MOBP: variants seen among roughly 807,000 people sequenced by gnomAD.
MOBP encodes myelin-associated oligodendrocyte basic protein.
A neutral mutation model predicts 15.0 loss-of-function variants in MOBP; 5 were observed. The ratio of observed to expected loss-of-function variants is 0.33; its 90% confidence interval spans 0.17 to 0.70. The LOEUF is 0.70. Ranked by LOEUF, MOBP falls within the 30% of genes least tolerant of loss-of-function variation. MOBP has a pLI of 0.67. For missense variants in MOBP, 188 were observed against 257.8 expected (o/e 0.73, Z 1.85); for synonymous variants, 88 against 99.0 (o/e 0.89, Z 0.66).
chr3:39,523,061 A>C (rs1057466074), intron 3 of MOBP, among the ~76,000 whole-genome samples: 2 of 152,248 alleles, frequency 1.3e-5, no homozygotes, highest in Non-Finnish European at 2.9e-5. Flanking sequence ...CTAGAAGTAG[A>C]TGACACAATG....
At chr3:39,482,421 G>T (rs1265274155) in intron 2 of MOBP, among the ~76,000 whole-genome samples, 3 of 152,094 alleles carry the variant, frequency 2.0e-5, no homozygotes, top group Non-Finnish European at 2.9e-5. Flanking sequence ...GGAGGCCGAG[G>T]TGGGCGGATC....
chr3:39,482,999 G>C (rs1369886287), intron 2 of MOBP, among the ~76,000 whole-genome samples: 1 of 152,104 alleles, frequency 6.6e-6, no homozygotes, highest in Non-Finnish European at 1.5e-5. Flanking sequence ...TATTATCCTA[G>C]TTAAGATCCT....
intron 1 of MOBP, among the ~76,000 whole-genome samples, chr3:39,478,756 C>G (rs890674682): frequency 1.3e-5 from 2 of 152,008 alleles, no homozygotes; most frequent in Non-Finnish European, 2.9e-5. Context: ...ATTTTTTCAG[C>G]TTTATTGTTT....
chr3:39,481,246 G>A (rs1418387538), intron 2 of MOBP, among the ~76,000 whole-genome samples: 2 of 152,160 alleles, frequency 1.3e-5, no homozygotes, highest in Non-Finnish European at 2.9e-5. Flanking sequence ...TCCCAAAACT[G>A]ACTGGTCTAA....
At chr3:39,488,298 T>C (rs538126680) in intron 2 of MOBP, among the ~76,000 whole-genome samples, 3 of 152,228 alleles carry the variant, frequency 2.0e-5, no homozygotes, top group Non-Finnish European at 4.4e-5. Flanking sequence ...TTACAGACAC[T>C]TGGAGGTTTC....
chr3:39,468,347 A>G (rs551695678), intron 1 of MOBP, among the ~76,000 whole-genome samples: 1 of 152,316 alleles, frequency 6.6e-6, no homozygotes, highest in South Asian at 2.1e-4. Flanking sequence ...GAGAAAGGAA[A>G]AAATATTATG....
At chr3:39,484,780 C>T (rs575718002) in intron 2 of MOBP, among the ~76,000 whole-genome samples, 78 of 152,272 alleles carry the variant, frequency 5.1e-4, no homozygotes, top group African/African-American at 1.7e-3. Context: ...AGATAACAAC[C>T]GTAGGTCACA....
chr3:39,469,284 A>AATT (rs2042431718), intron 1 of MOBP, among the ~76,000 whole-genome samples: 1 of 120,870 alleles, frequency 8.3e-6, no homozygotes, highest in Admixed American at 8.5e-5. Flanking sequence ...ATATATATAC[A>AATT]TATGTGTGTA....
chr3:39,469,110 A>ATATATACATATATACATATGTGTGTG (rs1559412091), intron 1 of MOBP, among the ~76,000 whole-genome samples: 2 of 48,156 alleles, frequency 4.2e-5, no homozygotes, highest in Admixed American at 1.7e-4. Context: ...ATGTGTGTGT[A>ATATATACATATATACATATGTGTGTG]TATATACATA....
At chr3:39,514,985 T>A (rs919469148) in exon 5 of MOBP, 1 of 151,058 alleles carries the variant, frequency 6.6e-6, no homozygotes, top group Non-Finnish European at 1.5e-5. Context: ...TGTGTGTGTG[T>A]GTGTGTGTGT....
intron 2 of MOBP, among the ~76,000 whole-genome samples, chr3:39,488,484 A>T (rs1420355431): frequency 6.6e-6 from 1 of 151,896 alleles, no homozygotes; most frequent in South Asian, 2.1e-4. Flanking sequence ...TGTCCTGTTC[A>T]TTGTTAGGTT....
intron 2 of MOBP, among the ~76,000 whole-genome samples, chr3:39,489,049 GT>G (rs1166637383): frequency 6.6e-6 from 1 of 152,094 alleles, no homozygotes; most frequent in Non-Finnish European, 1.5e-5. Flanking sequence ...TAGCCTCAAT[GT>G]TCCCCTCCCT....
intron 2 of MOBP, chr3:39,499,960 T>C (rs2042945868): frequency 2.2e-6 from 1 of 452,946 alleles, no homozygotes; most frequent in Non-Finnish European, 4.4e-6. Context: ...TATTGCCCTC[T>C]CTTCTGTGGA....
intron 1 of MOBP, among the ~76,000 whole-genome samples, chr3:39,470,183 C>T (rs575388846): frequency 2.0e-5 from 3 of 152,288 alleles, no homozygotes; most frequent in East Asian, 1.9e-4. Context: ...CCTCTGGCAA[C>T]GCTGCAAAAA....
At chr3:39,497,044 C>G (rs1224808512) in intron 2 of MOBP, among the ~76,000 whole-genome samples, 1 of 152,184 alleles carries the variant, frequency 6.6e-6, no homozygotes, top group Non-Finnish European at 1.5e-5. Flanking sequence ...CTCAAGTAAT[C>G]TGTCTGCCTC....
At chr3:39,497,142 T>C (rs1335111523) in intron 2 of MOBP, among the ~76,000 whole-genome samples, 2 of 152,170 alleles carry the variant, frequency 1.3e-5, no homozygotes, top group Non-Finnish European at 2.9e-5. Flanking sequence ...CTTTCAGCAG[T>C]GAATATAGAT....
intron 3 of MOBP, among the ~76,000 whole-genome samples, chr3:39,523,210 A>G (rs1331094121): frequency 6.6e-6 from 1 of 152,014 alleles, no homozygotes; most frequent in Non-Finnish European, 1.5e-5. Context: ...GTTACAAATC[A>G]TTTTTCCTCT....
chr3:39,495,905 A>G (rs2042873664), intron 2 of MOBP, among the ~76,000 whole-genome samples: 2 of 143,414 alleles, frequency 1.4e-5, no homozygotes, highest in Non-Finnish European at 2.9e-5. Flanking sequence ...AAAGTACTCA[A>G]AAAAAATGAG....
downstream of MOBP, chr3:39,503,088 G>A: frequency 2.0e-6 from 1 of 488,178 alleles, no homozygotes; most frequent in East Asian, 3.4e-5. Context: ...AGGTGGCTGT[G>A]GCCATTGCTT....
Sources: allele counts gnomAD v4.1 joint callset (sites outside exome capture counted in the v4.1 genomes callset), GRCh38; gene constraint gnomAD v4.1.1; transcripts MANE v1.5; gene names NCBI Gene and HGNC (gene_info 2026-07-23, HGNC 2026-07-21).